TRAPPC9: variants seen among roughly 807,000 people sequenced by gnomAD.
The protein encoded by TRAPPC9 is IKK2 binding protein.
A neutral mutation model predicts 124.0 loss-of-function variants in TRAPPC9; 83 were observed. That is an observed-to-expected ratio of 0.67 (90% CI 0.56 to 0.80). The LOEUF (loss-of-function observed/expected upper bound fraction) is 0.80, where lower values mean the gene tolerates loss of function less well. Among genes scored for constraint, TRAPPC9 ranks in the 30% least tolerant of loss-of-function variants. TRAPPC9 has a pLI of 0.00. For synonymous variants in TRAPPC9, 638 were observed against 617.5 expected (o/e 1.03, Z -0.49); for missense variants, 1,302 against 1,508.3 (o/e 0.86, Z 2.27).
chr8:140,329,417 G>A (rs574502228), intron 9 of TRAPPC9, among the ~76,000 whole-genome samples: 1 of 152,272 alleles, frequency 6.6e-6, no homozygotes, highest in African/African-American at 2.4e-5. Context: ...CAAAGCGATG[G>A]CTCGTCTCCT....
intron 15 of TRAPPC9, among the ~76,000 whole-genome samples, chr8:140,272,013 CGGGTGATGGTGGCAGTGGT>C (rs2064905272): frequency 6.8e-6 from 1 of 147,772 alleles, no homozygotes; most frequent in African/African-American, 2.5e-5. Context: ...ATGGTGGTGA[CGGGTGATGGTGGCAGTGGT>C]AATGGTGGTG....
At chr8:140,239,340 G>T (rs1260390170) in intron 16 of TRAPPC9, among the ~76,000 whole-genome samples, 1 of 152,144 alleles carries the variant, frequency 6.6e-6, no homozygotes, top group African/African-American at 2.4e-5. Context: ...GCCTCAGATG[G>T]GGCCCTCGGG....
intron 21 of TRAPPC9, among the ~76,000 whole-genome samples, chr8:139,860,509 C>T (rs1828059828): frequency 1.3e-5 from 2 of 152,334 alleles, no homozygotes; most frequent in South Asian, 2.1e-4. Flanking sequence ...GTCACAGGAT[C>T]CCCGGCCCCC....
chr8:139,817,788 G>C (rs560084480), intron 21 of TRAPPC9, among the ~76,000 whole-genome samples: 1 of 152,334 alleles, frequency 6.6e-6, no homozygotes, highest in South Asian at 2.1e-4. Flanking sequence ...TGGTGAAATA[G>C]AGGCAACTTA....
At chr8:139,768,791 C>G (rs1012831566) in intron 21 of TRAPPC9, among the ~76,000 whole-genome samples, 1 of 152,194 alleles carries the variant, frequency 6.6e-6, no homozygotes, top group African/African-American at 2.4e-5. Flanking sequence ...TCCAAAAATT[C>G]CCATGTTGAA....
intron 19 of TRAPPC9, 22 bp downstream of exon 19, chr8:139,988,704 C>G (rs1260711770): frequency 1.3e-6 from 2 of 1,514,350 alleles, no homozygotes; most frequent in South Asian, 2.4e-5. Context: ...TGCGGCGGCG[C>G]GAGGGTCTAT....
intron 19 of TRAPPC9, among the ~76,000 whole-genome samples, chr8:139,934,472 A>G (rs1833388900): frequency 6.6e-6 from 1 of 152,136 alleles, no homozygotes; most frequent in East Asian, 1.9e-4. Flanking sequence ...CATTCTTCCA[A>G]TCTCTTGTAG....
At chr8:140,012,791 A>AT (rs1275052948) in intron 18 of TRAPPC9, among the ~76,000 whole-genome samples, 1 of 152,164 alleles carries the variant, frequency 6.6e-6, no homozygotes, top group Non-Finnish European at 1.5e-5. Flanking sequence ...AGCATGTCAA[A>AT]TGTACAAGGA....
intron 17 of TRAPPC9, among the ~76,000 whole-genome samples, chr8:140,055,423 T>TA (rs760803603): frequency 1.6e-4 from 25 of 151,858 alleles, no homozygotes; most frequent in Non-Finnish European, 2.2e-4. Flanking sequence ...CACTCCATGG[T>TA]AAAAAAAACT....
At chr8:139,983,406 C>G (rs1344876640) in intron 19 of TRAPPC9, among the ~76,000 whole-genome samples, 2 of 152,132 alleles carry the variant, frequency 1.3e-5, no homozygotes, top group Non-Finnish European at 2.9e-5. Flanking sequence ...GCCCTCCTAG[C>G]CACCTTCCTT....
At chr8:140,314,578 C>T (rs1363759513) in intron 9 of TRAPPC9, among the ~76,000 whole-genome samples, 7 of 152,202 alleles carry the variant, frequency 4.6e-5, no homozygotes, top group Admixed American at 4.6e-4. Context: ...TATCCACTGT[C>T]CATCCTCTCC....
At chr8:140,021,632 T>A (rs932741071) in intron 18 of TRAPPC9, among the ~76,000 whole-genome samples, 3 of 152,222 alleles carry the variant, frequency 2.0e-5, no homozygotes, top group Non-Finnish European at 4.4e-5. Context: ...AAACAGGAAT[T>A]GTGCTCCATT....
intron 17 of TRAPPC9, among the ~76,000 whole-genome samples, chr8:140,193,266 G>T (rs577291886): frequency 9.9e-5 from 15 of 152,248 alleles, no homozygotes; most frequent in Admixed American, 3.3e-4. Flanking sequence ...GGAGATATTG[G>T]CTATTTCCCC....
At chr8:139,993,122 T>C (rs1837746737) in intron 18 of TRAPPC9, among the ~76,000 whole-genome samples, 1 of 152,198 alleles carries the variant, frequency 6.6e-6, no homozygotes, top group Non-Finnish European at 1.5e-5. Flanking sequence ...ACAAGCTTCA[T>C]TTTTAATGCG....
At chr8:140,441,602 C>T (rs1274487702) in intron 2 of TRAPPC9, among the ~76,000 whole-genome samples, 2 of 152,112 alleles carry the variant, frequency 1.3e-5, no homozygotes, top group Non-Finnish European at 2.9e-5. Flanking sequence ...AGGAGGATCA[C>T]TTAAGGCTAG....
chr8:140,455,486 A>G (rs545276105), intron 1 of TRAPPC9, among the ~76,000 whole-genome samples: 1 of 151,602 alleles, frequency 6.6e-6, no homozygotes, highest in South Asian at 2.1e-4. Flanking sequence ...GCTGGAAAGC[A>G]GTGGCGCGAT....
intron 17 of TRAPPC9, among the ~76,000 whole-genome samples, chr8:140,031,208 G>A (rs1383528688): frequency 1.3e-5 from 2 of 152,162 alleles, no homozygotes; most frequent in African/African-American, 4.8e-5. Flanking sequence ...AGAAGAAACA[G>A]CAGTGAGGTT....
chr8:139,902,194 C>T (rs955230777), intron 20 of TRAPPC9, among the ~76,000 whole-genome samples: 1 of 152,192 alleles, frequency 6.6e-6, no homozygotes, highest in Non-Finnish European at 1.5e-5. Context: ...AAAGGCCCTT[C>T]CCCGCTCTCA....
chr8:140,014,861 C>G (rs762793044), intron 18 of TRAPPC9, among the ~76,000 whole-genome samples: 2 of 152,186 alleles, frequency 1.3e-5, no homozygotes, highest in African/African-American at 4.8e-5. Context: ...GGATGCCCGA[C>G]GCAACACCCA....
Sources: allele counts gnomAD v4.1 joint callset (sites outside exome capture counted in the v4.1 genomes callset), GRCh38; gene constraint gnomAD v4.1.1; transcripts MANE v1.5; gene names NCBI Gene and HGNC (gene_info 2026-07-23, HGNC 2026-07-21).